CNBD1: variants seen among roughly 807,000 people sequenced by gnomAD.
CNBD1 encodes the protein cyclic nucleotide binding domain containing 1.
Under a neutral mutation model 54.4 loss-of-function variants are expected in CNBD1, and 71 were observed. The ratio of observed to expected loss-of-function variants is 1.30; its 90% confidence interval spans 1.08 to 1.59. The LOEUF is 1.59. CNBD1 is among the 40% of genes most tolerant of loss of function. The probability of loss-of-function intolerance (pLI) is 0.00; values close to 1 mark genes in which losing one functional copy is unlikely to be tolerated. For missense variants in CNBD1, 659 were observed against 518.0 expected (o/e 1.27, Z -2.64); for synonymous variants, 182 against 170.7 (o/e 1.07, Z -0.51).
At chr8:87,201,946 G>GA (rs999535910) in intron 4 of CNBD1, among the ~76,000 whole-genome samples, 3 of 151,864 alleles carry the variant, frequency 2.0e-5, no homozygotes, top group African/African-American at 7.3e-5. Context: ...AGAGAAAGGG[G>GA]AAAAAACTTA....
intron 8 of CNBD1, among the ~76,000 whole-genome samples, chr8:87,319,566 A>C (rs184343866): frequency 5.2e-4 from 79 of 152,246 alleles, no homozygotes; most frequent in African/African-American, 1.6e-3. Flanking sequence ...AATTTCTACT[A>C]TACAAAAAAG....
intron 8 of CNBD1, among the ~76,000 whole-genome samples, chr8:87,329,459 T>C (rs1431284719): frequency 6.6e-6 from 1 of 152,140 alleles, no homozygotes; most frequent in Non-Finnish European, 1.5e-5. Flanking sequence ...GAATTTTAAT[T>C]GATATTGCAT....
At chr8:87,039,300 A>G (rs1810013793) in intron 4 of CNBD1, among the ~76,000 whole-genome samples, 1 of 152,102 alleles carries the variant, frequency 6.6e-6, no homozygotes, top group Non-Finnish European at 1.5e-5. Context: ...TTATAAGTAT[A>G]TTTTCTACCC....
At chr8:87,424,617 T>A (rs1323915746) in intron 2 of CNBD1, among the ~76,000 whole-genome samples, 1 of 152,188 alleles carries the variant, frequency 6.6e-6, no homozygotes, top group Non-Finnish European at 1.5e-5. Flanking sequence ...AGTTCTAGTT[T>A]GATTGCACTG....
At chr8:87,019,006 A>G (rs990898582) in intron 4 of CNBD1, among the ~76,000 whole-genome samples, 2 of 152,366 alleles carry the variant, frequency 1.3e-5, no homozygotes, top group Non-Finnish European at 2.9e-5. Context: ...ATTTACTAAC[A>G]GGATAAAATA....
At chr8:87,135,278 T>G (rs1812205211) in intron 4 of CNBD1, among the ~76,000 whole-genome samples, 1 of 151,838 alleles carries the variant, frequency 6.6e-6, no homozygotes, top group Non-Finnish European at 1.5e-5. Flanking sequence ...ATATATAAAA[T>G]CAAATATACT....
At chr8:87,039,083 T>A (rs1484456865) in intron 4 of CNBD1, among the ~76,000 whole-genome samples, 2 of 152,270 alleles carry the variant, frequency 1.3e-5, no homozygotes, top group Middle Eastern at 3.4e-3. Context: ...AATGACCTCT[T>A]TTTTCTGCTA....
downstream of CNBD1, among the ~76,000 whole-genome samples, chr8:87,387,381 C>T (rs1450208360): frequency 2.6e-5 from 4 of 151,968 alleles, no homozygotes; most frequent in Non-Finnish European, 4.4e-5. Context: ...CCGAGACACA[C>T]ATAGGCTCAA....
At chr8:87,378,122 T>G (rs902306866) in intron 10 of CNBD1, among the ~76,000 whole-genome samples, 2 of 144,034 alleles carry the variant, frequency 1.4e-5, no homozygotes, top group Admixed American at 1.4e-4. Context: ...ACTCTGATGG[T>G]AGTTTCTTTT....
intron 4 of CNBD1, among the ~76,000 whole-genome samples, chr8:86,993,503 G>A (rs892070221): frequency 2.0e-5 from 3 of 152,122 alleles, no homozygotes; most frequent in Non-Finnish European, 4.4e-5. Flanking sequence ...GCAGCTAGTG[G>A]GCTCATTTGG....
At chr8:86,951,642 A>G (rs2130448912) in intron 4 of CNBD1, among the ~76,000 whole-genome samples, 1 of 146,632 alleles carries the variant, frequency 6.8e-6, no homozygotes, top group East Asian at 2.1e-4. Flanking sequence ...ACCAGTAAAT[A>G]TTAGCTTTTA....
At chr8:87,038,141 C>G (rs1217805311) in intron 4 of CNBD1, among the ~76,000 whole-genome samples, 1 of 152,162 alleles carries the variant, frequency 6.6e-6, no homozygotes, top group Non-Finnish European at 1.5e-5. Flanking sequence ...TTGTAAATAT[C>G]TTGGTGTCAT....
At chr8:87,169,814 T>C (rs906885754) in intron 4 of CNBD1, among the ~76,000 whole-genome samples, 1 of 152,164 alleles carries the variant, frequency 6.6e-6, no homozygotes, top group East Asian at 1.9e-4. Context: ...TATAATTCTG[T>C]AGTATAACTT....
chr8:87,038,286 C>A (rs1369026962), intron 4 of CNBD1, among the ~76,000 whole-genome samples: 1 of 152,088 alleles, frequency 6.6e-6, no homozygotes, highest in Non-Finnish European at 1.5e-5. Flanking sequence ...TTCTTCCTGC[C>A]CAGCACAGAC....
At chr8:87,246,558 T>A (rs1380270370) in intron 6 of CNBD1, among the ~76,000 whole-genome samples, 1 of 152,170 alleles carries the variant, frequency 6.6e-6, no homozygotes, top group Non-Finnish European at 1.5e-5. Flanking sequence ...ATTTTTTATC[T>A]CACAGAAAGT....
chr8:87,041,916 G>C (rs918946802), intron 4 of CNBD1, among the ~76,000 whole-genome samples: 5 of 152,206 alleles, frequency 3.3e-5, no homozygotes, highest in Non-Finnish European at 5.9e-5. Flanking sequence ...CAGGAATAAA[G>C]AAAGCAGGGA....
intron 2 of CNBD1, among the ~76,000 whole-genome samples, chr8:87,409,003 A>G (rs1317661665): frequency 6.6e-6 from 1 of 152,096 alleles, no homozygotes; most frequent in Non-Finnish European, 1.5e-5. Context: ...ATTAATAACC[A>G]TACAGTGGCC....
chr8:87,262,800 G>T (rs1360833080), intron 6 of CNBD1, among the ~76,000 whole-genome samples: 3 of 152,126 alleles, frequency 2.0e-5, no homozygotes, highest in African/African-American at 7.2e-5. Context: ...TTAAGTGATT[G>T]TATTCTGGTA....
chr8:86,911,688 A>T (rs1456820317), intron 3 of CNBD1, among the ~76,000 whole-genome samples: 2 of 152,120 alleles, frequency 1.3e-5, no homozygotes, highest in Non-Finnish European at 2.9e-5. Flanking sequence ...CTTGTTCATA[A>T]ATGACATGAG....
Sources: allele counts gnomAD v4.1 joint callset (sites outside exome capture counted in the v4.1 genomes callset), GRCh38; gene constraint gnomAD v4.1.1; transcripts MANE v1.5; gene names NCBI Gene and HGNC (gene_info 2026-07-23, HGNC 2026-07-21).